The following FAM107B variants were observed in gnomAD, a reference collection of about 807,000 sequenced individuals.
FAM107B encodes the protein protein FAM107B.
FAM107B carries 21 observed loss-of-function variants against 31.5 expected under a neutral mutation model. That is an observed-to-expected ratio of 0.67 (90% CI 0.47 to 0.96). FAM107B has a LOEUF of 0.96. FAM107B is among the 40% of genes least tolerant of loss of function. FAM107B has a pLI of 0.00. For missense variants in FAM107B, 452 were observed against 377.1 expected (o/e 1.20, Z -1.64); for synonymous variants, 157 against 141.5 (o/e 1.11, Z -0.78).
chr10:14,554,072 A>G (rs1849492217), intron 2 of FAM107B: 4 of 981,862 alleles, frequency 4.1e-6, no homozygotes, highest in Non-Finnish European at 4.8e-6. Context: ...CATATGTCAT[A>G]TATAATTAAT....
intron 1 of FAM107B, among the ~76,000 whole-genome samples, chr10:14,679,580 G>C (rs1854778620): frequency 6.6e-6 from 1 of 152,198 alleles, no homozygotes; most frequent in Admixed American, 6.5e-5. Context: ...CCCCCTTCTG[G>C]TAAAGTTGCT....
At position 14,774,689 on chromosome 10, in the gene FAM107B, T is replaced by A; in HGVS notation, c.-26A>T. The stretch of plus-strand genomic sequence containing the variant: ...GACTTGCAGTGAATCATTGCAAAGT[T>A]CAAACGGGGCAAGGAAATTTTCCAG... On this transcript the variant is annotated 5_prime_UTR_variant, in exon 1 of 5. An upstream open reading frame in the 5' UTR loses its in-frame stop. Coordinates refer to ENST00000181796, the MANE Select transcript of FAM107B (RefSeq NM_031453.4). 1 of 1,594,916 alleles carries A rather than the reference T, an allele frequency of 6.3e-7. No individual in the cohort carries two copies. Among genetic ancestry groups the A allele is most frequent in the Non-Finnish European group, 8.6e-7 (1 of 1,169,078 alleles).
chr10:14,554,955 G>A (rs1397408440), intron 2 of FAM107B, among the ~76,000 whole-genome samples: 1 of 152,182 alleles, frequency 6.6e-6, no homozygotes, highest in Admixed American at 6.5e-5. Flanking sequence ...TAGAACAATT[G>A]TGAGTATGCA....
At chr10:14,654,737 C>G (rs10508480) in intron 2 of FAM107B, among the ~76,000 whole-genome samples, 137,083 of 152,244 alleles carry the variant, frequency 0.9, 61,949 homozygotes, top group Non-Finnish European at 0.94. Context: ...TTGAAATACA[C>G]CAGTAACTAA....
intron 1 of FAM107B, among the ~76,000 whole-genome samples, chr10:14,752,347 A>C (rs756172181): frequency 2.0e-5 from 3 of 152,208 alleles, no homozygotes; most frequent in Non-Finnish European, 4.4e-5. Flanking sequence ...AGTGCCTGGA[A>C]GGCATCCAGC....
chr10:14,640,455 G>C (rs894625797), intron 2 of FAM107B, among the ~76,000 whole-genome samples: 1 of 152,190 alleles, frequency 6.6e-6, no homozygotes, highest in Non-Finnish European at 1.5e-5. Flanking sequence ...CATCTCTCAA[G>C]GAAAGTTCCC....
At chr10:14,522,277 T>C (rs944581820) in intron 3 of FAM107B, 4 of 450,564 alleles carry the variant, frequency 8.9e-6, no homozygotes, top group Non-Finnish European at 1.6e-5. Flanking sequence ...TGCAAGACAC[T>C]AGGCTACGCA....
At chr10:14,643,500 C>A (rs1255425128) in intron 2 of FAM107B, among the ~76,000 whole-genome samples, 2 of 151,452 alleles carry the variant, frequency 1.3e-5, no homozygotes, top group East Asian at 3.9e-4. Context: ...GTCTCCACCT[C>A]CTGGGTTTAA....
At chr10:14,626,062 T>C (rs1297480776) in intron 2 of FAM107B, among the ~76,000 whole-genome samples, 2 of 152,104 alleles carry the variant, frequency 1.3e-5, no homozygotes, top group East Asian at 1.9e-4. Flanking sequence ...CCCGGTACAC[T>C]TGGGACTCTT....
At chr10:14,593,670 G>C (rs537383367) in intron 2 of FAM107B, among the ~76,000 whole-genome samples, 1 of 151,846 alleles carries the variant, frequency 6.6e-6, no homozygotes, top group Non-Finnish European at 1.5e-5. Flanking sequence ...CTCCAGCCAG[G>C]GGACGAGACT....
intron 2 of FAM107B, among the ~76,000 whole-genome samples, chr10:14,636,184 A>T (rs960173098): frequency 2.0e-5 from 3 of 151,610 alleles, no homozygotes; most frequent in Non-Finnish European, 4.4e-5. Context: ...TCATCCCCAT[A>T]CACAATGGTG....
chr10:14,668,873 A>T (rs1854472281), intron 1 of FAM107B, among the ~76,000 whole-genome samples: 1 of 152,198 alleles, frequency 6.6e-6, no homozygotes. Context: ...GATATGCTAG[A>T]CCATAATAAA....
chr10:14,593,323 A>C (rs1852079232), intron 2 of FAM107B, among the ~76,000 whole-genome samples: 1 of 152,202 alleles, frequency 6.6e-6, no homozygotes, highest in Non-Finnish European at 1.5e-5. Context: ...GAGAAAGTTT[A>C]GGAAGATGTG....
At chr10:14,717,368 G>T (rs1199543067) in intron 1 of FAM107B, among the ~76,000 whole-genome samples, 2 of 152,154 alleles carry the variant, frequency 1.3e-5, no homozygotes, top group Non-Finnish European at 2.9e-5. Flanking sequence ...GCAAGGTGAG[G>T]TCTCCCAGTA....
chr10:14,528,455 T>C (rs1049180728), intron 3 of FAM107B, among the ~76,000 whole-genome samples: 2 of 152,206 alleles, frequency 1.3e-5, no homozygotes, highest in Admixed American at 6.5e-5. Context: ...GTGGTGGGAT[T>C]ACAGGCGTGA....
At chr10:14,674,184 G>A (rs1854625110) in intron 1 of FAM107B, among the ~76,000 whole-genome samples, 1 of 152,086 alleles carries the variant, frequency 6.6e-6, no homozygotes, top group African/African-American at 2.4e-5. Flanking sequence ...CAGCACATTG[G>A]TCTAGGCAAA....
chr10:14,558,649 G>A lies in FAM107B; in HGVS notation c.470-28134C>T, dbSNP rs535252160. Among the ~76,000 whole-genome samples the A allele has an allele frequency of 2.6e-5, 4 of 152,138 alleles. No homozygotes were observed. In the South Asian group the frequency reaches 8.3e-4, roughly 32 times the overall value. ...TGAACTCAGCGTCTAAGGTGATCCT[G>A]ACTGTGCCTCTGGTGAACGCAGGAA... On this transcript the variant is annotated intron_variant, in intron 2 of 4. Coordinates refer to ENST00000181796, the MANE Select transcript of FAM107B (RefSeq NM_031453.4).
At chr10:14,722,512 GCCATCCTA>G (rs759407357) in intron 1 of FAM107B, among the ~76,000 whole-genome samples, 23 of 152,058 alleles carry the variant, frequency 1.5e-4, no homozygotes, top group Non-Finnish European at 2.9e-4. Context: ...ATTTATTACA[GCCATCCTA>G]ATGGCTGTAA....
At chr10:14,648,435 G>T (rs1853820715) in intron 2 of FAM107B, among the ~76,000 whole-genome samples, 1 of 152,218 alleles carries the variant, frequency 6.6e-6, no homozygotes, top group Non-Finnish European at 1.5e-5. Context: ...TTCATACCCA[G>T]CGAACTCAAG....
Sources: allele counts gnomAD v4.1 joint callset (sites outside exome capture counted in the v4.1 genomes callset), GRCh38; gene constraint gnomAD v4.1.1; transcripts MANE v1.5; gene names NCBI Gene and HGNC (gene_info 2026-07-23, HGNC 2026-07-21).